Variants in FER observed in about 807,000 individuals in gnomAD.
FER encodes the protein FER tyrosine kinase.
Under a neutral mutation model 111.0 loss-of-function variants are expected in FER, and 63 were observed. The ratio of observed to expected loss-of-function variants is 0.57; its 90% CI spans 0.46 to 0.70. FER has a LOEUF of 0.70. Ranked by LOEUF, FER falls within the 30% of genes least tolerant of loss-of-function variation. The pLI is 0.00. For missense variants in FER, 914 were observed against 954.0 expected, an observed-to-expected ratio of 0.96 and a Z score of 0.55; for synonymous variants, 327 against 313.9, an observed-to-expected ratio of 1.04 and a Z score of -0.44.
chr5:108,883,327 A>G, intron 8 of FER, 69 bp from the exon 9 acceptor site: 2 of 1,417,956 alleles, frequency 1.4e-6, no homozygotes, highest in Non-Finnish European at 1.9e-6. Context: ...AGATGTATGA[A>G]TACTTTTTTG....
chr5:108,890,639 C>T (rs140026656), intron 9 of FER, among the ~76,000 whole-genome samples: 1 of 152,180 alleles, frequency 6.6e-6, no homozygotes, highest in East Asian at 1.9e-4. Context: ...TATCCTACTC[C>T]TGTATAATCT....
rs370202196 is a variant in FER at position 109,180,659 on chromosome 5, G to A, written c.2049-88G>A. 9 of 1,407,078 alleles carry A rather than the reference G, an allele frequency of 6.4e-6. No individual in the cohort carries two copies. The East Asian group carries it at 9.3e-5, about 14-fold the overall frequency. 87.2% of individuals were successfully genotyped at this position (1,407,078 alleles called of 1,614,324 possible). ...ACCTCATTATAAATACATTGCAAAT[G>A]TAAAAATGCAAAGTGTGGAAATCAT... On this transcript the variant is annotated intron_variant, in intron 17 of 19. Transcript: ENST00000281092.
At chr5:109,110,523 A>G (rs796393324) in intron 17 of FER, among the ~76,000 whole-genome samples, 40 of 152,294 alleles carry the variant, frequency 2.6e-4, no homozygotes, top group African/African-American at 8.9e-4. Flanking sequence ...TGGCCAGATC[A>G]TAAAGTTCTT....
chr5:109,107,937 A>G lies in FER; in HGVS notation c.2048+7418A>G, dbSNP rs77907395. Among the ~76,000 whole-genome samples the G allele has an allele frequency of 4.6e-5, 7 of 152,300 alleles. No homozygotes were observed. In the East Asian group the frequency reaches 9.6e-4, roughly 21 times the overall value. On this transcript the variant is annotated intron_variant, in intron 17 of 19. Coordinates refer to ENST00000281092, the MANE Select transcript of FER (RefSeq NM_005246.4). ...GCTCAAATTTCAAATTATGGACACA[A>G]ATAATTGGCCCAGCTTATATTAAAT...
At chr5:108,943,941 C>T (rs1272542376) in intron 10 of FER, among the ~76,000 whole-genome samples, 2 of 151,892 alleles carry the variant, frequency 1.3e-5, no homozygotes, top group Non-Finnish European at 2.9e-5. Context: ...ACTGTGTTGC[C>T]GAGGCTGGTA....
chr5:109,179,893 T>C (rs1758110800), intron 17 of FER, among the ~76,000 whole-genome samples: 4 of 152,114 alleles, frequency 2.6e-5, no homozygotes, highest in African/African-American at 9.7e-5. Flanking sequence ...GGTTATTGAA[T>C]GTCCTCCCCA....
intron 13 of FER, among the ~76,000 whole-genome samples, chr5:108,969,834 G>A (rs1284877698): frequency 1.4e-5 from 2 of 148,052 alleles, no homozygotes; most frequent in Non-Finnish European, 1.5e-5. Context: ...ATAAAGTATA[G>A]ATATCCAAAT....
In FER at chr5:108,894,976, G is replaced by A. The variant is rs141994338; in HGVS notation, c.1047-2683G>A. ...TGAGGACACAGCCAAATCATATCGG[G>A]CTATTCAGGTTCCCAGTGAGGATTA... is the stretch of plus-strand genomic sequence containing the variant. On this transcript the variant is annotated intron_variant, in intron 9 of 19. Coordinates refer to ENST00000281092, the MANE Select transcript of FER (RefSeq NM_005246.4). Among the ~76,000 whole-genome samples, 1,484 of 152,250 alleles carry A rather than the reference G, an allele frequency of 9.7e-3. 12 individuals are homozygous for A. The highest frequency in any genetic ancestry group is 0.013 in the Admixed American group (206 of 15,286).
chr5:108,800,628 T>C (rs1346399223), intron 3 of FER, among the ~76,000 whole-genome samples: 1 of 152,242 alleles, frequency 6.6e-6, no homozygotes, highest in Non-Finnish European at 1.5e-5. Context: ...TCTGGGATTA[T>C]AGGCATGAGC....
chr5:109,185,952 G>A (rs1758810518), intron 18 of FER, among the ~76,000 whole-genome samples: 1 of 152,068 alleles, frequency 6.6e-6, no homozygotes, highest in Non-Finnish European at 1.5e-5. Context: ...TTAACACAAT[G>A]GTAAGTTTTT....
intron 13 of FER, among the ~76,000 whole-genome samples, chr5:108,999,417 T>G (rs1219538030): frequency 1.3e-5 from 2 of 152,198 alleles, no homozygotes; most frequent in African/African-American, 4.8e-5. Flanking sequence ...AATTTATGGA[T>G]GTAACACAAT....
In FER at chr5:108,798,249, C is replaced by T. The variant is rs147858956; in HGVS notation, c.67C>T (p.Arg23Trp). Residue 23 changes from arginine (R) to tryptophan (W), a missense_variant, in exon 3 of 20, where the codon CGG (arginine) becomes TGG (tryptophan). Transcript: ENST00000281092. ...GTTAAAATTGCAAGACTGGGAATTACGGTTACTGGAAACAGTAAAGAAATT... is the reference window on the plus strand; with the variant it reads ...GTTAAAATTGCAAGACTGGGAATTATGGTTACTGGAAACAGTAAAGAAATT... ...AVLKLQDWEL[R>W]LLETVKKFMA... 8.1e-6 allele frequency: 13 copies of T among 1,613,588 alleles called. No homozygotes were observed. Among genetic ancestry groups the T allele is most frequent in the East Asian group, 2.2e-5 (1 of 44,858 alleles).
chr5:109,053,844 C>T (rs1773238154), intron 16 of FER, among the ~76,000 whole-genome samples: 1 of 151,878 alleles, frequency 6.6e-6, no homozygotes, highest in African/African-American at 2.4e-5. Flanking sequence ...GCACCTGTTA[C>T]CATGCCCGGC....
At chr5:108,858,766 ATT>A (rs75243334) in intron 5 of FER, among the ~76,000 whole-genome samples, 31,833 of 124,732 alleles carry the variant, frequency 0.26, 3,469 homozygotes, top group African/African-American at 0.31. Flanking sequence ...CAGTTTTTTC[ATT>A]TTTTTTTTTT....
At chr5:109,160,311 C>T (rs1202961398) in intron 17 of FER, among the ~76,000 whole-genome samples, 1 of 152,164 alleles carries the variant, frequency 6.6e-6, no homozygotes, top group African/African-American at 2.4e-5. Context: ...ATTCATGAGG[C>T]ATCCTGTCCA....
intron 8 of FER, among the ~76,000 whole-genome samples, chr5:108,879,412 A>C (rs1423011444): frequency 1.3e-5 from 2 of 151,716 alleles, no homozygotes; most frequent in Non-Finnish European, 2.9e-5. Context: ...CCCTCCCCTC[A>C]GAGGCCCCAG....
At chr5:108,876,893 A>G (rs754482454) in intron 8 of FER, among the ~76,000 whole-genome samples, 9 of 152,192 alleles carry the variant, frequency 5.9e-5, no homozygotes, top group Non-Finnish European at 8.8e-5. Flanking sequence ...TTGCATTACG[A>G]TAACATGTGC....
chr5:108,818,285 T>C (rs1758481939), intron 3 of FER: 1 of 151,792 alleles, frequency 6.6e-6, no homozygotes, highest in Non-Finnish European at 1.5e-5. Context: ...AAAAGAAAAT[T>C]AGTTGGGCAT....
At chr5:109,004,910 T>G (rs1765295374) in intron 13 of FER, among the ~76,000 whole-genome samples, 1 of 152,090 alleles carries the variant, frequency 6.6e-6, no homozygotes, top group Non-Finnish European at 1.5e-5. Context: ...AATGAAGAGT[T>G]GTTTTTTTTA....
Sources: gnomAD v4.1 joint callset for allele counts (sites outside exome capture counted in the v4.1 genomes callset) on GRCh38, gnomAD v4.1.1 for gene constraint, MANE v1.5 for transcripts, NCBI Gene and HGNC (gene_info 2026-07-23, HGNC 2026-07-21) for gene names.